The following NCAM2 variants were observed in gnomAD, a reference collection of about 807,000 sequenced individuals.
NCAM2 encodes the protein neural cell adhesion molecule 2.
A neutral mutation model predicts 98.1 loss-of-function variants in NCAM2; 30 were observed. That is an observed-to-expected ratio of 0.31 (90% confidence interval 0.23 to 0.41). NCAM2 has a LOEUF of 0.41. Ranked by LOEUF, NCAM2 falls within the 10% of genes least tolerant of loss-of-function variation. The pLI, the probability that NCAM2 is intolerant of heterozygous loss-of-function variation, is 1.00. For synonymous variants in NCAM2, 368 were observed against 342.4 expected, an observed-to-expected ratio of 1.07 and a Z score of -0.83; for missense variants, 867 against 1,005.8, an observed-to-expected ratio of 0.86 and a Z score of 1.87.
chr21:21,017,983 CTTTA>C (rs996809991), intron 1 of NCAM2, among the ~76,000 whole-genome samples: 7 of 152,056 alleles, frequency 4.6e-5, no homozygotes, highest in African/African-American at 1.7e-4. Flanking sequence ...AAAATGTTTG[CTTTA>C]TTTGTTTCAT....
At chr21:21,430,194 GT>G (rs911585221) in intron 11 of NCAM2, among the ~76,000 whole-genome samples, 1 of 150,848 alleles carries the variant, frequency 6.6e-6, no homozygotes, top group African/African-American at 2.4e-5. Context: ...ACACCCGGCT[GT>G]TTTTTTTATT....
intron 1 of NCAM2, among the ~76,000 whole-genome samples, chr21:21,167,125 G>C (rs1395430045): frequency 6.6e-6 from 1 of 151,692 alleles, no homozygotes; most frequent in Non-Finnish European, 1.5e-5. Flanking sequence ...TTGTGTTTTG[G>C]GGGTGATCTG....
chr21:21,527,003 C>CA (rs1439502892), intron 16 of NCAM2, among the ~76,000 whole-genome samples: 39 of 151,860 alleles, frequency 2.6e-4, no homozygotes, highest in Non-Finnish European at 1.8e-4. Context: ...AAATATAAAT[C>CA]AAAAAATTAT....
At chr21:21,199,930 C>A (rs1379890080) in intron 1 of NCAM2, among the ~76,000 whole-genome samples, 4 of 152,032 alleles carry the variant, frequency 2.6e-5, no homozygotes, top group Admixed American at 2.6e-4. Context: ...TACACACTCT[C>A]ATAAGTGGCC....
intron 1 of NCAM2, among the ~76,000 whole-genome samples, chr21:21,153,036 C>G (rs531210713): frequency 6.6e-6 from 1 of 151,894 alleles, no homozygotes; most frequent in Non-Finnish European, 1.5e-5. Flanking sequence ...CCCCTTCTCT[C>G]AGGGATTAAT....
intron 8 of NCAM2, among the ~76,000 whole-genome samples, chr21:21,366,979 G>C (rs1484979958): frequency 1.3e-5 from 2 of 152,022 alleles, no homozygotes; most frequent in Non-Finnish European, 2.9e-5. Context: ...CTAATGACTA[G>C]TTGTATGACT....
intron 1 of NCAM2, among the ~76,000 whole-genome samples, chr21:21,181,975 T>C (rs2146914557): frequency 6.6e-6 from 1 of 151,570 alleles, no homozygotes. Flanking sequence ...GGAGGATTGC[T>C]TGATCCCAGG....
chr21:21,361,304 TC>T (rs1192202118), intron 8 of NCAM2, among the ~76,000 whole-genome samples: 3 of 152,070 alleles, frequency 2.0e-5, no homozygotes, highest in Non-Finnish European at 2.9e-5. Flanking sequence ...CTTCCAATTA[TC>T]TCTTGAACAT....
intron 1 of NCAM2, among the ~76,000 whole-genome samples, chr21:21,202,364 A>G (rs887105294): frequency 6.6e-6 from 1 of 150,654 alleles, no homozygotes. Flanking sequence ...AATACTTATC[A>G]TTAAAGTATT....
At chr21:21,333,508 A>G (rs1369293286) in intron 6 of NCAM2, among the ~76,000 whole-genome samples, 1 of 152,310 alleles carries the variant, frequency 6.6e-6, no homozygotes, top group East Asian at 1.9e-4. Flanking sequence ...ATGGGTGGCA[A>G]CTAATTTGCT....
intron 15 of NCAM2, among the ~76,000 whole-genome samples, chr21:21,481,063 A>T (rs1418219107): frequency 6.6e-6 from 1 of 152,210 alleles, no homozygotes; most frequent in Non-Finnish European, 1.5e-5. Context: ...CAGTGTTAAC[A>T]GGTGAATGGT....
At chr21:21,431,638 A>G (rs2077347033) in intron 11 of NCAM2, among the ~76,000 whole-genome samples, 1 of 152,126 alleles carries the variant, frequency 6.6e-6, no homozygotes, top group Non-Finnish European at 1.5e-5. Context: ...CTTACCTACA[A>G]TTTAGGAATA....
chr21:21,532,272 C>T (rs1989746704), intron 16 of NCAM2, among the ~76,000 whole-genome samples: 1 of 151,830 alleles, frequency 6.6e-6, no homozygotes, highest in South Asian at 2.1e-4. Context: ...AGCTAAAACT[C>T]AGTGTTAGTT....
At chr21:21,075,962 C>T (rs944815495) in intron 1 of NCAM2, among the ~76,000 whole-genome samples, 1 of 151,626 alleles carries the variant, frequency 6.6e-6, no homozygotes, top group Non-Finnish European at 1.5e-5. Flanking sequence ...ACTAAAAATA[C>T]AAAAATTAGC....
intron 12 of NCAM2, among the ~76,000 whole-genome samples, chr21:21,448,109 G>T (rs1460388840): frequency 2.6e-5 from 4 of 152,074 alleles, no homozygotes; most frequent in African/African-American, 9.7e-5. Context: ...GTTTATTGCA[G>T]CACTATTTAC....
intron 1 of NCAM2, among the ~76,000 whole-genome samples, chr21:21,182,062 C>T (rs2068495012): frequency 6.6e-6 from 1 of 151,154 alleles, no homozygotes; most frequent in Admixed American, 6.6e-5. Flanking sequence ...AAATATTGCT[C>T]ATTACTGTAT....
At chr21:21,297,643 G>A (rs1212192605) in intron 5 of NCAM2, among the ~76,000 whole-genome samples, 2 of 151,506 alleles carry the variant, frequency 1.3e-5, no homozygotes, top group African/African-American at 4.8e-5. Context: ...TTCTAAAAGA[G>A]GATTAATATT....
intron 7 of NCAM2, among the ~76,000 whole-genome samples, chr21:21,336,576 G>A (rs2074877328): frequency 6.6e-6 from 1 of 152,004 alleles, no homozygotes; most frequent in Admixed American, 6.6e-5. Flanking sequence ...AAAAAAAGAA[G>A]GACCAGTGTT....
chr21:21,390,838 A>G (rs887774302), intron 9 of NCAM2, among the ~76,000 whole-genome samples: 3 of 152,222 alleles, frequency 2.0e-5, no homozygotes, highest in East Asian at 1.9e-4. Context: ...TGCTAAATGT[A>G]TGGTCAAAAG....
Sources: gnomAD v4.1 joint callset for allele counts (sites outside exome capture counted in the v4.1 genomes callset) on GRCh38, gnomAD v4.1.1 for gene constraint, MANE v1.5 for transcripts, NCBI Gene and HGNC (gene_info 2026-07-23, HGNC 2026-07-21) for gene names.